BIRC6: variants seen among roughly 807,000 people sequenced by gnomAD.
The protein encoded by BIRC6 is baculoviral IAP repeat containing 6.
In BIRC6, 98 loss-of-function variants were observed where a neutral mutation model predicts 503.3. The ratio of observed to expected loss-of-function variants is 0.19; its 90% CI spans 0.17 to 0.23. The LOEUF is 0.23. BIRC6 is among the 10% of genes least tolerant of loss of function. The pLI is 1.00. For synonymous variants in BIRC6, 2,240 were observed against 2,078.7 expected (o/e 1.08, Z -2.11); for missense variants, 5,360 against 5,806.0 (o/e 0.92, Z 2.50).
chr2:32,616,677 T>G (rs1572431226), intron 73 of BIRC6, among the ~76,000 whole-genome samples: 2 of 152,242 alleles, frequency 1.3e-5, no homozygotes. Flanking sequence ...TATGGCCTAC[T>G]ACCTGATAAA....
intron 65 of BIRC6, among the ~76,000 whole-genome samples, chr2:32,555,914 CAAAA>C (rs372061622): frequency 4.6e-5 from 4 of 86,070 alleles, no homozygotes; most frequent in African/African-American, 8.6e-5. Flanking sequence ...GACCCTATCT[CAAAA>C]AAAAAAAAAA....
chr2:32,568,491 C>CAAA (rs59954195), intron 65 of BIRC6, among the ~76,000 whole-genome samples: 10 of 108,888 alleles, frequency 9.2e-5, no homozygotes, highest in Non-Finnish European at 1.6e-4. Context: ...GACCTTGGCG[C>CAAA]AAAAAAAAAA....
At chr2:32,540,419 A>T (rs1050287969) in intron 61 of BIRC6, among the ~76,000 whole-genome samples, 1 of 152,010 alleles carries the variant, frequency 6.6e-6, no homozygotes, top group African/African-American at 2.4e-5. Flanking sequence ...TGTTTTAGAC[A>T]TTATTCAAAG....
chr2:32,376,707 G>C (rs1054623593), intron 1 of BIRC6, among the ~76,000 whole-genome samples: 1 of 152,078 alleles, frequency 6.6e-6, no homozygotes, highest in Admixed American at 6.6e-5. Flanking sequence ...GTTCAAACTT[G>C]TATGGTTCGA....
At chr2:32,487,344 T>C (rs1467154594) in intron 40 of BIRC6, among the ~76,000 whole-genome samples, 1 of 152,190 alleles carries the variant, frequency 6.6e-6, no homozygotes, top group East Asian at 1.9e-4. Context: ...TCTTTCCCTT[T>C]ACTTTCCCTC....
At chr2:32,488,883 A>T (rs2051327190) in intron 42 of BIRC6, among the ~76,000 whole-genome samples, 169 bp downstream of exon 42, 1 of 152,184 alleles carries the variant, frequency 6.6e-6, no homozygotes, top group Admixed American at 6.5e-5. Flanking sequence ...AGCAGGAAAG[A>T]TACAGGGAGA....
chr2:32,439,967 C>G, intron 16 of BIRC6, among the ~76,000 whole-genome samples: 1 of 152,212 alleles, frequency 6.6e-6, no homozygotes, highest in East Asian at 1.9e-4. Context: ...CAACCTCTGC[C>G]TCCCAGATTC....
intron 17 of BIRC6, 75 bp downstream of exon 17, chr2:32,441,537 C>G: frequency 7.4e-7 from 1 of 1,346,714 alleles, no homozygotes; most frequent in Non-Finnish European, 1.0e-6. Context: ...CATACACACA[C>G]AAATAAAAAA....
At chr2:32,601,457 T>A (rs1276646125) in intron 70 of BIRC6, among the ~76,000 whole-genome samples, 1 of 152,190 alleles carries the variant, frequency 6.6e-6, no homozygotes, top group Non-Finnish European at 1.5e-5. Context: ...GGCACATGCC[T>A]GTAATCCCAG....
intron 50 of BIRC6, 55 bp downstream of exon 50, chr2:32,505,260 T>C: frequency 7.1e-7 from 1 of 1,417,570 alleles, no homozygotes; most frequent in African/African-American, 1.4e-5. Context: ...TTTAGAAATA[T>C]TTGAAAATAA....
At chr2:32,483,880 ACC>A (rs2050691086) in intron 39 of BIRC6, among the ~76,000 whole-genome samples, 1 of 152,154 alleles carries the variant, frequency 6.6e-6, no homozygotes, top group East Asian at 1.9e-4. Context: ...GTTAAGTTTA[ACC>A]ACTTGATGAA....
chr2:32,399,984 G>C (rs1031022327), intron 6 of BIRC6, among the ~76,000 whole-genome samples: 4 of 151,744 alleles, frequency 2.6e-5, no homozygotes, highest in Non-Finnish European at 5.9e-5. Context: ...TTGTAGCAAT[G>C]AGGTCTCACT....
At chr2:32,557,283 C>T (rs1033848794) in intron 65 of BIRC6, 8 of 152,200 alleles carry the variant, frequency 5.3e-5, no homozygotes, top group Non-Finnish European at 1.0e-4. Flanking sequence ...GACTAAATTT[C>T]CCTTTCCTGT....
intron 23 of BIRC6, among the ~76,000 whole-genome samples, chr2:32,460,204 TATATG>T (rs1358421525): frequency 7.4e-6 from 1 of 134,446 alleles, no homozygotes; most frequent in African/African-American, 2.8e-5. Context: ...ATATATATCA[TATATG>T]ATATATATAT....
At chr2:32,613,089 C>T (rs1046108105) in intron 73 of BIRC6, among the ~76,000 whole-genome samples, 2 of 152,050 alleles carry the variant, frequency 1.3e-5, no homozygotes, top group African/African-American at 4.8e-5. Flanking sequence ...GGCCTTTACA[C>T]ATGGTTTCCA....
In BIRC6 at chr2:32,450,595, C is replaced by G. The variant is rs142363986; in HGVS notation, c.4618+1667C>G. Among the ~76,000 whole-genome samples, 4 of 152,264 alleles carry G rather than the reference C, an allele frequency of 2.6e-5. No individual in the cohort carries two copies. In the East Asian group the frequency reaches 7.7e-4, roughly 29 times the overall value. On this transcript the variant is annotated intron_variant, in intron 22 of 73. Transcript: ENST00000421745. Reference sequence around the variant, plus strand: ...ACAAGACAGAAATGTAAATGTCATTCATGATACTTATATCTTTCTTATCAC... The same window carrying G: ...ACAAGACAGAAATGTAAATGTCATTGATGATACTTATATCTTTCTTATCAC...
chr2:32,371,411 G>C (rs1429858231), intron 1 of BIRC6, among the ~76,000 whole-genome samples: 2 of 151,514 alleles, frequency 1.3e-5, no homozygotes, highest in Admixed American at 1.3e-4. Context: ...GTCTCGCTCT[G>C]TTGCCCAGGC....
chr2:32,606,697 G>A (rs1431987735), intron 71 of BIRC6, among the ~76,000 whole-genome samples: 1 of 151,944 alleles, frequency 6.6e-6, no homozygotes, highest in Non-Finnish European at 1.5e-5. Flanking sequence ...TTTTTTATAA[G>A]TGAGTATTGT....
chr2:32,495,153 A>G (rs901549122), intron 45 of BIRC6, among the ~76,000 whole-genome samples: 10 of 152,254 alleles, frequency 6.6e-5, no homozygotes, highest in African/African-American at 2.4e-4. Context: ...CAGAGTTCAC[A>G]ACAGTGAAGA....
Sources: allele counts gnomAD v4.1 joint callset (sites outside exome capture counted in the v4.1 genomes callset), GRCh38; gene constraint gnomAD v4.1.1; transcripts MANE v1.5; gene names NCBI Gene and HGNC (gene_info 2026-07-23, HGNC 2026-07-21).